The following PDHX variants were observed in gnomAD, a reference collection of about 807,000 sequenced individuals.
The protein encoded by PDHX is pyruvate dehydrogenase complex component X, also known as pyruvate dehydrogenase protein X component, mitochondrial.
PDHX carries 33 observed loss-of-function variants against 55.3 expected under a neutral mutation model. That is an observed-to-expected ratio of 0.60 (90% CI 0.45 to 0.80). The LOEUF is 0.80. Among genes scored for constraint, PDHX ranks in the 30% least tolerant of loss-of-function variants. The pLI, the probability that PDHX is intolerant of heterozygous loss-of-function variation, is 0.00. For synonymous variants in PDHX, 226 were observed against 219.4 expected, an observed-to-expected ratio of 1.03 and a Z score of -0.27; for missense variants, 622 against 619.9, an observed-to-expected ratio of 1.00 and a Z score of -0.04.
At chr11:34,966,561 C>A in intron 5 of PDHX, 79 bp from the exon 6 acceptor site, 1 of 1,297,464 alleles carries the variant, frequency 7.7e-7, no homozygotes, top group East Asian at 2.3e-5. Context: ...CTTTTCTCCA[C>A]ATCTCACCTG....
At chr11:34,977,698 G>A in intron 7 of PDHX, 1 of 453,612 alleles carries the variant, frequency 2.2e-6, no homozygotes, top group East Asian at 6.9e-5. Flanking sequence ...ATGTTATAAA[G>A]CATACAGAGA....
At chr11:34,990,379 G>A (rs372469819) in intron 9 of PDHX, among the ~76,000 whole-genome samples, 14 of 152,116 alleles carry the variant, frequency 9.2e-5, no homozygotes, top group African/African-American at 3.1e-4. Context: ...TAAAACCAAC[G>A]ATCCTTCTCA....
chr11:34,937,717 C>T (rs1242737507), intron 2 of PDHX, among the ~76,000 whole-genome samples: 1 of 152,078 alleles, frequency 6.6e-6, no homozygotes, highest in African/African-American at 2.4e-5. Flanking sequence ...ATGCCTACTC[C>T]CCTAAAGAGT....
At chr11:34,937,624 A>T (rs1224444733) in intron 2 of PDHX, among the ~76,000 whole-genome samples, 1 of 152,114 alleles carries the variant, frequency 6.6e-6, no homozygotes, top group African/African-American at 2.4e-5. Flanking sequence ...TGGAGACAGA[A>T]ATTTGAGAGT....
At chr11:34,921,053 T>C (rs1404393387) in intron 1 of PDHX, among the ~76,000 whole-genome samples, 1 of 152,186 alleles carries the variant, frequency 6.6e-6, no homozygotes, top group Non-Finnish European at 1.5e-5. Flanking sequence ...GCCTGGTTCT[T>C]ATTAAGTGCT....
chr11:34,982,712 G>A (rs141629940), intron 8 of PDHX, among the ~76,000 whole-genome samples: 7,639 of 152,160 alleles, frequency 0.05, 266 homozygotes, highest in African/African-American at 0.096. Flanking sequence ...ACCCTCCCAA[G>A]ACTAAACCAG....
chr11:34,951,049 CTTTTTTTT>C (rs1179399887), intron 3 of PDHX, among the ~76,000 whole-genome samples: 2 of 88,598 alleles, frequency 2.3e-5, no homozygotes, highest in African/African-American at 1.0e-4. Flanking sequence ...TGTTTCCTGA[CTTTTTTTT>C]TTTTTTTTTT....
At chr11:34,979,236 T>C (rs1230296377) in intron 8 of PDHX, among the ~76,000 whole-genome samples, 1 of 152,118 alleles carries the variant, frequency 6.6e-6, no homozygotes, top group African/African-American at 2.4e-5. Flanking sequence ...GGTTAAGGAA[T>C]CTAGAGTTTG....
At chr11:34,962,026 TG>T (rs1195486833) in intron 5 of PDHX, among the ~76,000 whole-genome samples, 1 of 152,212 alleles carries the variant, frequency 6.6e-6, no homozygotes, top group African/African-American at 2.4e-5. Flanking sequence ...TCTGTAAAAA[TG>T]GGAGAAAGCA....
chr11:34,979,830 C>T (rs888986881), intron 8 of PDHX, among the ~76,000 whole-genome samples: 1 of 152,042 alleles, frequency 6.6e-6, no homozygotes, highest in South Asian at 2.1e-4. Flanking sequence ...TTTGTGCCAA[C>T]ATTATCAGAC....
intron 2 of PDHX, among the ~76,000 whole-genome samples, chr11:34,933,988 C>T (rs1167334908): frequency 1.3e-5 from 2 of 152,000 alleles, no homozygotes; most frequent in Admixed American, 6.6e-5. Flanking sequence ...ATTTTGAAAA[C>T]GTAATAAATG....
intron 1 of PDHX, among the ~76,000 whole-genome samples, chr11:34,921,637 G>A (rs931848119): frequency 2.0e-5 from 3 of 152,006 alleles, no homozygotes; most frequent in South Asian, 2.1e-4. Context: ...TTGTTTCTGC[G>A]CTAAGTAATG....
At chr11:34,970,651 T>C (rs1416405292) in intron 7 of PDHX, among the ~76,000 whole-genome samples, 1 of 152,200 alleles carries the variant, frequency 6.6e-6, no homozygotes, top group Non-Finnish European at 1.5e-5. Context: ...GCTTTAAAAA[T>C]ACAGGTTGAG....
In PDHX at chr11:34,945,825, TC is replaced by T. The variant is rs550977111; in HGVS notation, c.242-1680del. On this transcript the variant is annotated intron_variant, in intron 2 of 10. Transcript: ENST00000227868. Reference sequence around the variant, plus strand: ...TATACCCATGTTACCACCACCTAGATCAAGATTTAGAACATTCTTAGCAAGC... The same window carrying T: ...TATACCCATGTTACCACCACCTAGATAAGATTTAGAACATTCTTAGCAAGC... 4.3e-4 allele frequency among the ~76,000 whole-genome samples: 66 copies of T among 152,300 alleles called. No homozygotes were observed. The East Asian group carries it at 6.0e-3, about 14-fold the overall frequency.
intron 9 of PDHX, among the ~76,000 whole-genome samples, chr11:34,986,904 C>T (rs1042687578): frequency 6.6e-6 from 1 of 152,218 alleles, no homozygotes; most frequent in Non-Finnish European, 1.5e-5. Flanking sequence ...CTGCTCTCTT[C>T]ACTCTTGTTC....
chr11:34,984,479 A>G, intron 8 of PDHX, 91 bp from the exon 9 acceptor site: 1 of 1,107,412 alleles, frequency 9.0e-7, no homozygotes, highest in Non-Finnish European at 1.4e-6. Flanking sequence ...AGCTATGTTC[A>G]CTTTGGAAAA....
In PDHX at chr11:34,979,300, A is replaced by G. The variant is rs112724202; in HGVS notation, c.1023+1118A>G. 2.6e-3 allele frequency among the ~76,000 whole-genome samples: 392 copies of G among 152,258 alleles called. 2 individuals carry two copies. Among genetic ancestry groups the G allele is most frequent in the African/African-American group, 9.0e-3 (372 of 41,534 alleles). On this transcript the variant is annotated intron_variant, in intron 8 of 10. Transcript: ENST00000227868. ...TAACAGATATTCCAGTGGAGGTGGC[A>G]GGAAGGCAGGTGAACATATGAGCCT... is the stretch of plus-strand genomic sequence containing the variant.
At chr11:34,978,538 G>T (rs1855433479) in intron 8 of PDHX, among the ~76,000 whole-genome samples, 2 of 152,094 alleles carry the variant, frequency 1.3e-5, no homozygotes. Flanking sequence ...AGGATAAGGG[G>T]ACAAAGTAAC....
chr11:34,945,675 G>A (rs980308816), intron 2 of PDHX, among the ~76,000 whole-genome samples: 6 of 151,802 alleles, frequency 4.0e-5, no homozygotes, highest in Non-Finnish European at 7.4e-5. Flanking sequence ...GATAGAATGC[G>A]GTTTCTTTAC....
Sources: gnomAD v4.1 joint callset for allele counts (sites outside exome capture counted in the v4.1 genomes callset) on GRCh38, gnomAD v4.1.1 for gene constraint, MANE v1.5 for transcripts, NCBI Gene and HGNC (gene_info 2026-07-23, HGNC 2026-07-21) for gene names.